The following FAM47E variants were observed in gnomAD, a reference collection of about 807,000 sequenced individuals.
The protein encoded by FAM47E is protein FAM47E.
A neutral mutation model predicts 41.6 loss-of-function variants in FAM47E; 32 were observed. That is an observed-to-expected ratio of 0.77 (90% CI 0.58 to 1.03). The LOEUF (loss-of-function observed/expected upper bound fraction) is 1.03. Among genes scored for constraint, FAM47E ranks in the 50% least tolerant of loss-of-function variants. FAM47E has a pLI of 0.00. For synonymous variants in FAM47E, 184 were observed against 188.7 expected, an observed-to-expected ratio of 0.98 and a Z score of 0.20; for missense variants, 424 against 485.4, an observed-to-expected ratio of 0.87 and a Z score of 1.19.
chr4:76,227,380 T>C (rs551008636), intron 2 of FAM47E, among the ~76,000 whole-genome samples: 13 of 152,242 alleles, frequency 8.5e-5, no homozygotes, highest in Admixed American at 3.9e-4. Flanking sequence ...TTTTCAGTTT[T>C]ATTTCACTGT....
intron 2 of FAM47E, among the ~76,000 whole-genome samples, chr4:76,238,957 C>A (rs1047776960): frequency 2.0e-5 from 3 of 152,184 alleles, no homozygotes; most frequent in Non-Finnish European, 4.4e-5. Context: ...TTTGACTACT[C>A]TAAGTACCTC....
chr4:76,238,265 C>T (rs910451367), intron 2 of FAM47E, among the ~76,000 whole-genome samples: 23 of 152,178 alleles, frequency 1.5e-4, no homozygotes, highest in African/African-American at 4.6e-4. Flanking sequence ...GTTAGCCTGG[C>T]GTTTCCAAGT....
At chr4:76,250,017 CAT>C (rs1199126572), upstream of FAM47E, among the ~76,000 whole-genome samples, 3 of 152,106 alleles carry the variant, frequency 2.0e-5, no homozygotes, top group African/African-American at 4.8e-5. Context: ...CTGCTATTAA[CAT>C]GTGTGTGCAA....
intron 4 of FAM47E, 45 bp from the exon 5 acceptor site, chr4:76,271,523 A>T (rs2110020025): frequency 6.5e-7 from 1 of 1,546,060 alleles, no homozygotes; most frequent in South Asian, 1.2e-5. Flanking sequence ...AGCAAAGAGC[A>T]TTTCACCGAT....
intron 2 of FAM47E, among the ~76,000 whole-genome samples, chr4:76,233,201 T>C (rs1733522301): frequency 1.3e-5 from 2 of 152,224 alleles, no homozygotes; most frequent in Non-Finnish European, 2.9e-5. Context: ...TAAAACCTGG[T>C]AAGTTGTTCT....
chr4:76,251,350 A>G (rs1201054377), upstream of FAM47E, among the ~76,000 whole-genome samples: 1 of 152,146 alleles, frequency 6.6e-6, no homozygotes, highest in East Asian at 1.9e-4. Context: ...TTAGAAATCT[A>G]TTCATTTTCC....
chr4:76,282,339 A>G (rs1238513397), intron 7 of FAM47E: 2 of 152,112 alleles, frequency 1.3e-5, no homozygotes, highest in African/African-American at 4.8e-5. Context: ...AGATGAGGGC[A>G]TTTATAGCCC....
At chr4:76,253,610 A>G (rs1446626557) in intron 1 of FAM47E, among the ~76,000 whole-genome samples, 2 of 151,850 alleles carry the variant, frequency 1.3e-5, no homozygotes, top group Non-Finnish European at 2.9e-5. Context: ...TGGTTGCCTT[A>G]CTCTCCTCTT....
intron 5 of FAM47E, among the ~76,000 whole-genome samples, chr4:76,276,904 C>G (rs1013740686): frequency 1.3e-5 from 2 of 152,198 alleles, no homozygotes; most frequent in African/African-American, 4.8e-5. Context: ...GTCCCATCCT[C>G]TCTTTCTTGG....
upstream of FAM47E, among the ~76,000 whole-genome samples, chr4:76,248,254 T>C (rs1560738021): frequency 6.6e-6 from 1 of 151,996 alleles, no homozygotes; most frequent in South Asian, 2.1e-4. Context: ...TATACAGAAG[T>C]TTTTTATTTT....
At chr4:76,225,774 T>C (rs1334069188) in intron 2 of FAM47E, among the ~76,000 whole-genome samples, 1 of 152,226 alleles carries the variant, frequency 6.6e-6, no homozygotes, top group Non-Finnish European at 1.5e-5. Flanking sequence ...TGATATGCTG[T>C]TGGATCCAGT....
chr4:76,246,701 G>A (rs1413989132), intron 2 of FAM47E, among the ~76,000 whole-genome samples: 1 of 151,430 alleles, frequency 6.6e-6, no homozygotes, highest in African/African-American at 2.4e-5. Flanking sequence ...TCAGTTACCC[G>A]CCAAGTAACC....
intron 1 of FAM47E, among the ~76,000 whole-genome samples, chr4:76,215,167 A>C (rs1342016258): frequency 6.6e-6 from 1 of 152,250 alleles, no homozygotes; most frequent in Non-Finnish European, 1.5e-5. Flanking sequence ...AGCAGAGCTC[A>C]GCAGTTGAGG....
intron 3 of FAM47E, among the ~76,000 whole-genome samples, chr4:76,266,342 C>A (rs2110015032): frequency 6.6e-6 from 1 of 152,304 alleles, no homozygotes; most frequent in Non-Finnish European, 1.5e-5. Context: ...CTAGACAAAC[C>A]CAAAACTGAA....
At chr4:76,245,357 A>T (rs1733803080) in intron 2 of FAM47E, among the ~76,000 whole-genome samples, 1 of 152,184 alleles carries the variant, frequency 6.6e-6, no homozygotes, top group Non-Finnish European at 1.5e-5. Context: ...GGAAACCCCT[A>T]CCACACCTAA....
chr4:76,231,627 A>G (rs959848257), intron 2 of FAM47E, among the ~76,000 whole-genome samples: 7 of 152,224 alleles, frequency 4.6e-5, no homozygotes, highest in African/African-American at 1.4e-4. Flanking sequence ...GTACAGCAAG[A>G]ATTATTATTT....
intron 7 of FAM47E, chr4:76,281,423 A>G (rs897866429): frequency 2.6e-5 from 4 of 151,968 alleles, no homozygotes; most frequent in African/African-American, 9.7e-5. Flanking sequence ...GATATATTTA[A>G]TATACAAATA....
chr4:76,258,569 C>T (rs1185592279), intron 2 of FAM47E, among the ~76,000 whole-genome samples: 1 of 152,166 alleles, frequency 6.6e-6, no homozygotes, highest in Non-Finnish European at 1.5e-5. Flanking sequence ...ATATTCCATT[C>T]TAGAGGAAGT....
In FAM47E at chr4:76,268,521, A is replaced by C. The variant is rs551442128; in HGVS notation, c.561-139A>C. ...TGAGAATGTGCTCTTTGAAAAATTA[A>C]AATACAATTTGTATGTGAGCTTGCA... On this transcript the variant is annotated intron_variant, in intron 3 of 7. Coordinates refer to ENST00000424749, the MANE Select transcript of FAM47E (RefSeq NM_001136570.3). The C allele has an allele frequency of 3.2e-3, 2,578 of 817,492 alleles. 8 individuals carry two copies. Among genetic ancestry groups the C allele is most frequent in the Middle Eastern group, 8.3e-3 (23 of 2,758 alleles). The allele number at this position is 817,492 out of a possible 1,614,324, so 50.6% of individuals were successfully genotyped here. A position where few individuals can be genotyped will look rare whatever the true frequency, so the allele number is the denominator to read the frequency against.
Sources: gnomAD v4.1 joint callset for allele counts (sites outside exome capture counted in the v4.1 genomes callset) on GRCh38, gnomAD v4.1.1 for gene constraint, MANE v1.5 for transcripts, NCBI Gene and HGNC (gene_info 2026-07-23, HGNC 2026-07-21) for gene names.